Variants in NIBAN1 observed in about 807,000 individuals in gnomAD.
NIBAN1 encodes the protein niban apoptosis regulator 1.
A neutral mutation model predicts 75.1 loss-of-function variants in NIBAN1; 81 were observed. The ratio of observed to expected loss-of-function variants is 1.08; its 90% CI spans 0.90 to 1.30. The LOEUF (loss-of-function observed/expected upper bound fraction) is 1.30. Ranked by LOEUF, NIBAN1 falls within the 50% of genes most tolerant of loss-of-function variation. NIBAN1 has a pLI of 0.00. For missense variants in NIBAN1, 1,133 were observed against 1,128.1 expected (o/e 1.00, Z -0.06); for synonymous variants, 436 against 424.8 (o/e 1.03, Z -0.32).
intron 5 of NIBAN1, among the ~76,000 whole-genome samples, chr1:184,857,507 A>G (rs1655710524): frequency 6.6e-6 from 1 of 152,240 alleles, no homozygotes; most frequent in African/African-American, 2.4e-5. Context: ...GAAACCCAGC[A>G]GGCATTAGGG....
At chr1:184,832,876 C>T (rs1330177496) in intron 5 of NIBAN1, among the ~76,000 whole-genome samples, 4 of 152,066 alleles carry the variant, frequency 2.6e-5, no homozygotes, top group Non-Finnish European at 5.9e-5. Context: ...ATTTCCAGCA[C>T]ATAAAATTGG....
intron 12 of NIBAN1, among the ~76,000 whole-genome samples, chr1:184,800,707 T>C (rs1027984757): frequency 6.6e-6 from 1 of 152,238 alleles, no homozygotes; most frequent in African/African-American, 2.4e-5. Flanking sequence ...CTACGCCATA[T>C]AATAATCATA....
chr1:184,794,928 A>G lies in NIBAN1; in HGVS notation c.*49T>C. 2 of 1,601,198 alleles carry G rather than the reference A, an allele frequency of 1.2e-6. No individual in the cohort carries two copies. The highest frequency in any genetic ancestry group is 1.1e-5 in the South Asian group (1 of 91,060). ...GCATGCAACCCCTAAGTGTACCCCTATAACCCTTTGGCTTTTTTCAGAGAA... is the reference window on the plus strand; with the variant it reads ...GCATGCAACCCCTAAGTGTACCCCTGTAACCCTTTGGCTTTTTTCAGAGAA... On this transcript the variant is annotated 3_prime_UTR_variant, in exon 14 of 14. Transcript: ENST00000367511.
Position 184,815,843 on chromosome 1 carries a change from T to C in NIBAN1, c.1173+2795A>G, listed in dbSNP as rs562783157. On this transcript the variant is annotated intron_variant, in intron 9 of 13. Transcript: ENST00000367511. ...CCTTCACTCTTCTAGAAGGACATCA[T>C]TTGTTAGGTCCTTTTTCCATGGTTT... is the stretch of plus-strand genomic sequence containing the variant. Among the ~76,000 whole-genome samples the C allele has an allele frequency of 3.9e-4, 59 of 152,302 alleles. 1 individual carries two copies. The highest frequency in any genetic ancestry group is 1.3e-3 in the African/African-American group (55 of 41,566).
intron 1 of NIBAN1, among the ~76,000 whole-genome samples, chr1:184,959,056 C>T (rs1485968127): frequency 1.3e-5 from 2 of 152,214 alleles, no homozygotes; most frequent in African/African-American, 4.8e-5. Context: ...TGGAAATTGT[C>T]ACTTGTTCTG....
chr1:184,836,033 C>T (rs982291950), intron 5 of NIBAN1, among the ~76,000 whole-genome samples: 7 of 152,142 alleles, frequency 4.6e-5, no homozygotes, highest in African/African-American at 7.2e-5. Context: ...GTTTTTAAAT[C>T]GAAGTATTTT....
chr1:184,824,530 A>T (rs1654792911), intron 6 of NIBAN1, among the ~76,000 whole-genome samples: 1 of 152,186 alleles, frequency 6.6e-6, no homozygotes, highest in South Asian at 2.1e-4. Flanking sequence ...AGAAGGAAAA[A>T]AGGGAAAGGC....
chr1:184,860,393 T>C (rs902957721), intron 5 of NIBAN1, among the ~76,000 whole-genome samples: 2 of 152,174 alleles, frequency 1.3e-5, no homozygotes, highest in Admixed American at 6.5e-5. Flanking sequence ...CCAAAAATTG[T>C]ATAATTGTGA....
chr1:184,795,678 C>G lies in NIBAN1; in HGVS notation c.2086G>C (p.Ala696Pro), dbSNP rs370408065. 1.9e-6 allele frequency: 3 copies of G among 1,613,946 alleles called. No individual in the cohort carries two copies. Among genetic ancestry groups the G allele is most frequent in the East Asian group, 2.2e-5 (1 of 44,890 alleles). Residue 696 changes from alanine (A) to proline (P), a missense_variant, in exon 14 of 14, where the codon GCC becomes CCC. By Grantham distance (27) the Ala-to-Pro change is conservative. Coordinates refer to ENST00000367511, the MANE Select transcript of NIBAN1 (RefSeq NM_052966.4). ...GTGATGGGTTCTGGCTCTTCCTGGGCGGGTTCTTCATCCTCAAGGGTCCCT... is the reference window on the plus strand; with the variant it reads ...GTGATGGGTTCTGGCTCTTCCTGGGGGGGTTCTTCATCCTCAAGGGTCCCT... ...FGGTLEDEEPAQEEPEPITAS... is the reference protein window; with the variant it reads ...FGGTLEDEEPPQEEPEPITAS...
At position 184,923,463 on chromosome 1, in the gene NIBAN1, A is replaced by G. The variant is rs577206578; in HGVS notation, c.56-24154T>C. 3.3e-5 allele frequency among the ~76,000 whole-genome samples: 5 copies of G among 152,292 alleles called. No homozygotes were observed. The East Asian group carries it at 9.7e-4, about 29-fold the overall frequency. ...CCAACACCATGCTGTTTTGGTTACT[A>G]TAGCTCTGTACTACAATTTGAAGTC... On this transcript the variant is annotated intron_variant, in intron 1 of 13. Transcript: ENST00000367511.
At position 184,831,276 on chromosome 1, in the gene NIBAN1, C is replaced by T. The variant is rs570969436; in HGVS notation, c.717+571G>A. On this transcript the variant is annotated intron_variant, in intron 6 of 13. Transcript: ENST00000367511. ...AAAGATAAATTAAATATATAGAAAACTGTCTAATGCTTTTTGAATTTGTTT... is the reference window on the plus strand; with the variant it reads ...AAAGATAAATTAAATATATAGAAAATTGTCTAATGCTTTTTGAATTTGTTT... Among the ~76,000 whole-genome samples, 4 of 152,280 alleles carry T rather than the reference C, an allele frequency of 2.6e-5. No individual in the cohort carries two copies. In the East Asian group the frequency reaches 7.7e-4, roughly 29 times the overall value.
chr1:184,827,956 TTTTG>T (rs1433562985), intron 6 of NIBAN1, among the ~76,000 whole-genome samples: 2 of 150,084 alleles, frequency 1.3e-5, no homozygotes, highest in Non-Finnish European at 3.0e-5. Context: ...TAGTTTTGTT[TTTTG>T]TTTTTTTTTT....
chr1:184,827,560 G>GTTTTTTTTTTTT lies in NIBAN1; in HGVS notation c.718-3830_718-3819dup, dbSNP rs58483276. 5.3e-3 allele frequency among the ~76,000 whole-genome samples: 624 copies of GTTTTTTTTTTTT among 117,620 alleles called. 17 individuals carry two copies. Among genetic ancestry groups the GTTTTTTTTTTTT allele is most frequent in the Non-Finnish European group, 6.3e-3 (384 of 60,890 alleles). The allele number at this position is 117,620 out of a possible 152,430, so 77.2% of individuals were successfully genotyped here. On this transcript the variant is annotated intron_variant, in intron 6 of 13. Coordinates refer to ENST00000367511, the MANE Select transcript of NIBAN1 (RefSeq NM_052966.4). ...ACATAAGTGACCTAAAAATACTTCA[G>GTTTTTTTTTTTT]TTTTTTTTTTTTTTAATGGGGGGTG...
chr1:184,838,725 C>T (rs1037592519), intron 5 of NIBAN1, among the ~76,000 whole-genome samples: 1 of 152,122 alleles, frequency 6.6e-6, no homozygotes, highest in Non-Finnish European at 1.5e-5. Context: ...TCAACTGAAA[C>T]ACCAAAGCTC....
chr1:184,855,372 T>C (rs1655649574), intron 5 of NIBAN1, among the ~76,000 whole-genome samples: 1 of 152,212 alleles, frequency 6.6e-6, no homozygotes, highest in Non-Finnish European at 1.5e-5. Flanking sequence ...CACTATCGTG[T>C]CTTCCCAGAG....
Position 184,794,697 on chromosome 1 carries a change from A to C in NIBAN1, c.*280T>G. On this transcript the variant is annotated 3_prime_UTR_variant, in exon 14 of 14. Transcript: ENST00000367511. Reference sequence around the variant, plus strand: ...TTTTCTCAGTCTTCCCTGCAATACTATTCCCTCCTCAGACATCCTCAGCTC... The same window carrying C: ...TTTTCTCAGTCTTCCCTGCAATACTCTTCCCTCCTCAGACATCCTCAGCTC... 7.2e-5 allele frequency: 35 copies of C among 488,908 alleles called. No individual in the cohort carries two copies. Among genetic ancestry groups the C allele is most frequent in the East Asian group, 4.1e-4 (10 of 24,182 alleles). The allele number at this position is 488,908 out of a possible 1,614,324, so 30.3% of individuals were successfully genotyped here.
intron 1 of NIBAN1, among the ~76,000 whole-genome samples, chr1:184,909,133 A>G (rs1657175864): frequency 6.6e-6 from 1 of 152,194 alleles, no homozygotes; most frequent in Admixed American, 6.5e-5. Context: ...TCCTGAAAAT[A>G]TTCTTTGCTT....
intron 3 of NIBAN1, among the ~76,000 whole-genome samples, chr1:184,890,796 G>A (rs1656646882): frequency 2.0e-5 from 3 of 152,190 alleles, no homozygotes; most frequent in South Asian, 2.1e-4. Context: ...ACAGCACTGT[G>A]ACATCAGAAC....
At chr1:184,958,215 A>C (rs1658538248) in intron 1 of NIBAN1, among the ~76,000 whole-genome samples, 1 of 152,106 alleles carries the variant, frequency 6.6e-6, no homozygotes, top group Non-Finnish European at 1.5e-5. Flanking sequence ...AAAAATACAA[A>C]ACAATAAAAA....
Sources: gnomAD v4.1 joint callset for allele counts (sites outside exome capture counted in the v4.1 genomes callset) on GRCh38, gnomAD v4.1.1 for gene constraint, MANE v1.5 for transcripts, NCBI Gene and HGNC (gene_info 2026-07-23, HGNC 2026-07-21) for gene names.